Variants in CBY3 observed in about 807,000 individuals in gnomAD.
CBY3 encodes the protein sperm annulus positioning complex subunit Chibby3.
CBY3 carries 7 observed loss-of-function variants against 3.0 expected under a neutral mutation model. The ratio of observed to expected loss-of-function variants is 2.32; its 90% CI spans 1.32 to 4.35. CBY3 has a LOEUF of 4.35. CBY3 is among the 30% of genes most tolerant of loss of function. CBY3 has a pLI of 0.00. For missense variants in CBY3, 400 were observed against 336.4 expected (o/e 1.19, Z -1.48); for synonymous variants, 170 against 154.5 (o/e 1.10, Z -0.74).
In CBY3 at chr5:179,679,248, G is replaced by T; in HGVS notation, c.64C>A (p.Pro22Thr). 1.3e-6 allele frequency: 2 copies of T among 1,527,850 alleles called. No homozygotes were observed. The highest frequency in any genetic ancestry group is 1.8e-6 in the Non-Finnish European group (2 of 1,142,846). 94.6% of individuals were successfully genotyped at this position (1,527,850 alleles called of 1,614,324 possible). ...AGCCCGGATGTCCAGAATGATGAAG[G>T]CGAGCCAGGGGGCGCTGCTGGGAGA... The part of the protein sequence containing the change: ...DLGDAAPPGS[P>T]SSFWTSGLPR... Residue 22 changes from proline to threonine, a missense_variant, in exon 2 of 2, where the codon CCT (proline) becomes ACT (threonine). Coordinates refer to ENST00000376974, the MANE Select transcript of CBY3 (RefSeq NM_001164444.2).
rs752235289 is a variant in CBY3 at position 179,679,025 on chromosome 5, C to G, written c.287G>C (p.Arg96Pro). 3.3e-6 allele frequency: 5 copies of G among 1,534,950 alleles called. No homozygotes were observed. Among genetic ancestry groups the G allele is most frequent in the Non-Finnish European group, 4.4e-6 (5 of 1,146,020 alleles). The change falls in exon 2 of 2, where the codon CGC (arginine) becomes CCC (proline). Residue 96 changes from arginine to proline, a missense_variant. Arg to Pro is a moderately radical substitution (Grantham distance 103, BLOSUM62 -2). Transcript: ENST00000376974. ...RPFSPRRPPL[R>P]RMPSLSTFYL... Reference sequence around the variant, plus strand: ...GAAGGTGGACAGGGAGGGCATGCGGCGCAGTGGCGGCCGCCGTGGCGAGAA... The same window carrying G: ...GAAGGTGGACAGGGAGGGCATGCGGGGCAGTGGCGGCCGCCGTGGCGAGAA...
Position 179,678,997 on chromosome 5 carries a change from G to A in CBY3, c.315C>T (p.Tyr105=). 6.5e-7 allele frequency: 1 copy of A among 1,535,886 alleles called. No individual in the cohort carries two copies. Among genetic ancestry groups the A allele is most frequent in the South Asian group, 1.2e-5 (1 of 83,982 alleles). The part of the protein sequence containing the change: ...LRRMPSLSTF[Y]LLDHNTRQAE... The stretch of plus-strand genomic sequence containing the variant: ...CCTGGCGCGTGTTGTGGTCCAGCAG[G>A]TAGAAGGTGGACAGGGAGGGCATGC... Residue 105 remains tyrosine, a synonymous_variant, in exon 2 of 2, where the codon TAC becomes TAT. Transcript: ENST00000376974.
intron 1 of CBY3, among the ~76,000 whole-genome samples, chr5:179,680,033 G>C (rs865882819): frequency 1.5e-5 from 2 of 134,800 alleles, no homozygotes; most frequent in African/African-American, 5.6e-5. Flanking sequence ...GGCTGGTCTC[G>C]AACTCCGGAC....
At chr5:179,680,791 G>A (rs1776042715) in intron 1 of CBY3, 82 bp downstream of exon 1, 2 of 1,108,318 alleles carry the variant, frequency 1.8e-6, no homozygotes, top group African/African-American at 3.1e-5. Context: ...AACTAGAGCA[G>A]GGTTCCCTCT....
intron 1 of CBY3, among the ~76,000 whole-genome samples, chr5:179,680,502 G>A (rs1377114036): frequency 6.6e-6 from 1 of 152,136 alleles, no homozygotes; most frequent in East Asian, 1.9e-4. Context: ...ATAGACCACA[G>A]TCCAGTGTGT....
Position 179,679,191 on chromosome 5 carries a change from G to A in CBY3, c.121C>T (p.Arg41Cys), listed in dbSNP as rs1405223711. 6 of 1,534,938 alleles carry A rather than the reference G, an allele frequency of 3.9e-6. No individual in the cohort carries two copies. In the Middle Eastern group the frequency reaches 5.9e-4, roughly 151 times the overall value. The change falls in exon 2 of 2, where the codon CGC becomes TGC. Residue 41 changes from arginine to cysteine, a missense_variant. By Grantham distance (180) the Arg-to-Cys change is radical. Coordinates refer to ENST00000376974, the MANE Select transcript of CBY3 (RefSeq NM_001164444.2). The stretch of plus-strand genomic sequence containing the variant: ...GTGCTCGAAGGGGAGCCTCGGGAGC[G>A]CTGGCGACTCGTGCTGCGCTCTTGT... ...PRQERSTSRQ[R>C]SRGSPSSTCV...
intron 1 of CBY3, among the ~76,000 whole-genome samples, chr5:179,680,055 T>A (rs1419116107): frequency 6.7e-6 from 1 of 148,508 alleles, no homozygotes; most frequent in Non-Finnish European, 1.5e-5. Flanking sequence ...TCAGGTGATC[T>A]GCCCGCCTCA....
intron 1 of CBY3, among the ~76,000 whole-genome samples, chr5:179,680,449 C>G (rs368541681): frequency 6.6e-6 from 1 of 152,070 alleles, no homozygotes; most frequent in Non-Finnish European, 1.5e-5. Flanking sequence ...CCTCTGCCTG[C>G]CCTCAAGGTG....
chr5:179,680,455 A>G (rs898471027), intron 1 of CBY3, among the ~76,000 whole-genome samples: 6 of 152,072 alleles, frequency 3.9e-5, no homozygotes, highest in Non-Finnish European at 8.8e-5. Context: ...CCTGCCCTCA[A>G]GGTGCTCCTA....
Position 179,680,235 on chromosome 5 carries a change from G to A in CBY3, c.46+638C>T, listed in dbSNP as rs180959074. Among the ~76,000 whole-genome samples, 45 of 152,248 alleles carry A rather than the reference G, an allele frequency of 3.0e-4. 1 individual carries two copies. Among genetic ancestry groups the A allele is most frequent in the African/African-American group, 9.1e-4 (38 of 41,564 alleles). ...GTGAAGGTGCCCTACAGGCAGGCTC[G>A]GAAGCTTAGACTTCCTTTTGTGGGT... is the stretch of plus-strand genomic sequence containing the variant. On this transcript the variant is annotated intron_variant, in intron 1 of 1. Coordinates refer to ENST00000376974, the MANE Select transcript of CBY3 (RefSeq NM_001164444.2).
At position 179,678,962 on chromosome 5, in the gene CBY3, C is replaced by T. The variant is rs1244501977; in HGVS notation, c.350G>A (p.Gly117Asp). The T allele has an allele frequency of 7.8e-6, 12 of 1,535,658 alleles. No homozygotes were observed. Among genetic ancestry groups the T allele is most frequent in the Admixed American group, 2.0e-5 (1 of 50,912 alleles). Residue 117 changes from glycine to aspartate, a missense_variant, in exon 2 of 2, where the codon GGC becomes GAC. Physicochemically the swap from Gly to Asp is moderately conservative, Grantham distance 94. Transcript: ENST00000376974. ...CATGCACGGCGCGCCGTAGGCGAGGCCCAGCTCGGCCTGGCGCGTGTTGTG... is the reference window on the plus strand; with the variant it reads ...CATGCACGGCGCGCCGTAGGCGAGGTCCAGCTCGGCCTGGCGCGTGTTGTG... ...LDHNTRQAEL[G>D]LAYGAPCMRL...
In CBY3 at chr5:179,680,971, C is replaced by G. The variant is rs1776048745; in HGVS notation, c.-53G>C. The G allele has an allele frequency of 4.1e-6, 6 of 1,467,396 alleles. No individual in the cohort carries two copies. Among genetic ancestry groups the G allele is most frequent in the Non-Finnish European group, 3.7e-6 (4 of 1,084,936 alleles). The allele number at this position is 1,467,396 out of a possible 1,614,324, so 90.9% of individuals were successfully genotyped here. On this transcript the variant is annotated 5_prime_UTR_variant, in exon 1 of 2. Coordinates refer to ENST00000376974, the MANE Select transcript of CBY3 (RefSeq NM_001164444.2). ...CTCGGAGGATGTTTCCCCGTTAGTC[C>G]TCACTGTATGTTGTGCCTCACCTGG...
Position 179,678,716 on chromosome 5 carries a change from A to G in CBY3, c.596T>C (p.Leu199Ser). 6.5e-7 allele frequency: 1 copy of G among 1,536,980 alleles called. No individual in the cohort carries two copies. The highest frequency in any genetic ancestry group is 8.7e-7 in the Non-Finnish European group (1 of 1,146,720). ...CTCGGGGTTGCGCTGCTTCTCCAGC[A>G]AGTGCATGCGCGCCATGGTCTCAGT... Reference protein sequence around the residue: ...MLTETMARMHLLEKQRNPEVI... With the variant: ...MLTETMARMHSLEKQRNPEVI... The change falls in exon 2 of 2, where the codon TTG becomes TCG. Residue 199 changes from leucine to serine, a missense_variant. Physicochemically the swap from Leu to Ser is moderately radical, Grantham distance 145. Coordinates refer to ENST00000376974, the MANE Select transcript of CBY3 (RefSeq NM_001164444.2).
At chr5:179,680,290 C>T (rs560112206) in intron 1 of CBY3, among the ~76,000 whole-genome samples, 50 of 152,140 alleles carry the variant, frequency 3.3e-4, no homozygotes, top group African/African-American at 1.1e-3. Flanking sequence ...ATTAGAAAGC[C>T]GGGGTTAGAT....
chr5:179,679,293 C>A, intron 1 of CBY3, 28 bp from the exon 2 acceptor site: 2 of 1,496,686 alleles, frequency 1.3e-6, no homozygotes, highest in Non-Finnish European at 1.8e-6. Context: ...GGGTGAGCAG[C>A]GTGCTTGGTA....
At chr5:179,679,758 C>T (rs1776008640) in intron 1 of CBY3, among the ~76,000 whole-genome samples, 1 of 151,906 alleles carries the variant, frequency 6.6e-6, no homozygotes, top group Admixed American at 6.6e-5. Flanking sequence ...TCCCGGGTTC[C>T]AGCAGTTCTC....
At position 179,678,696 on chromosome 5, in the gene CBY3, G is replaced by A. The variant is rs558988617; in HGVS notation, c.616C>T (p.Pro206Ser). 6.5e-7 allele frequency: 1 copy of A among 1,536,880 alleles called. No individual in the cohort carries two copies. The highest frequency in any genetic ancestry group is 1.4e-5 in the African/African-American group (1 of 73,168). ...GCCGCAGCCGTCGGGATCACCTCGG[G>A]GTTGCGCTGCTTCTCCAGCAAGTGC... The part of the protein sequence containing the change: ...RMHLLEKQRN[P>S]EVIPTAAARA... The change falls in exon 2 of 2, where the codon CCC becomes TCC. Residue 206 changes from proline to serine, a missense_variant. Pro to Ser is a moderately conservative substitution (Grantham distance 74). Coordinates refer to ENST00000376974, the MANE Select transcript of CBY3 (RefSeq NM_001164444.2).
chr5:179,680,825 T>C, intron 1 of CBY3, 48 bp downstream of exon 1: 1 of 1,455,216 alleles, frequency 6.9e-7, no homozygotes, highest in Non-Finnish European at 9.3e-7. Context: ...TAATTCATAA[T>C]ACACTTATCC....
rs1386330172 is a variant in CBY3, at chr5:179,678,630, T to C, written c.682A>G (p.Ser228Gly). 6.5e-7 allele frequency: 1 copy of C among 1,533,018 alleles called. No individual in the cohort carries two copies. The highest frequency in any genetic ancestry group is 8.7e-7 in the Non-Finnish European group (1 of 1,144,254). 95.0% of individuals were successfully genotyped at this position (1,533,018 alleles called of 1,614,324 possible). A position where few individuals can be genotyped will look rare whatever the true frequency, so the allele number is the denominator to read the frequency against. Residue 228 changes from serine (S) to glycine (G), a missense_variant, in exon 2 of 2, where the codon AGC becomes GGC. Transcript: ENST00000376974. ...QRKMRKRAGA[S>G]AGVLMIQPCA... ...GGCTGGATCATGAGCACGCCCGCGC[T>C]GGCGCCTGCGCGCTTGCGCATCTTC...
Sources: gnomAD v4.1 joint callset for allele counts (sites outside exome capture counted in the v4.1 genomes callset) on GRCh38, gnomAD v4.1.1 for gene constraint, MANE v1.5 for transcripts, NCBI Gene and HGNC (gene_info 2026-07-23, HGNC 2026-07-21) for gene names.